Variants in AGMO observed in about 807,000 individuals in gnomAD.
AGMO encodes the protein alkylglycerol monooxygenase.
AGMO carries 75 observed loss-of-function variants against 60.2 expected under a neutral mutation model. That is an observed-to-expected ratio of 1.25 (90% CI 1.03 to 1.51). The LOEUF (loss-of-function observed/expected upper bound fraction) is 1.51, where lower values mean the gene tolerates loss of function less well. Ranked by LOEUF, AGMO falls within the 40% of genes most tolerant of loss-of-function variation. AGMO has a pLI of 0.00. For synonymous variants in AGMO, 261 were observed against 177.1 expected, an observed-to-expected ratio of 1.47 and a Z score of -3.76; for missense variants, 763 against 525.5, an observed-to-expected ratio of 1.45 and a Z score of -4.42.
intron 8 of AGMO, among the ~76,000 whole-genome samples, 158 bp downstream of exon 8, chr7:15,390,513 G>C (rs948247336): frequency 1.3e-5 from 2 of 152,044 alleles, no homozygotes; most frequent in Non-Finnish European, 2.9e-5. Flanking sequence ...TCAAACTTTT[G>C]CTTGTGTAAC....
chr7:15,317,905 ACG>A (rs1246747245), intron 12 of AGMO, among the ~76,000 whole-genome samples: 1 of 147,760 alleles, frequency 6.8e-6, no homozygotes, highest in African/African-American at 2.5e-5. Context: ...ATACACACAC[ACG>A]TATATATATA....
At chr7:15,344,144 T>C (rs1351444065) in intron 12 of AGMO, among the ~76,000 whole-genome samples, 1 of 152,190 alleles carries the variant, frequency 6.6e-6, no homozygotes, top group African/African-American at 2.4e-5. Flanking sequence ...TGCATATTTT[T>C]GGTAACTGAT....
intron 12 of AGMO, among the ~76,000 whole-genome samples, chr7:15,354,510 A>ACG (rs1563106015): frequency 1.3e-5 from 1 of 77,288 alleles, no homozygotes; most frequent in African/African-American, 5.4e-5. Flanking sequence ...ATATATATAT[A>ACG]TATATATATA....
At chr7:15,353,876 T>A (rs1304352826) in intron 12 of AGMO, among the ~76,000 whole-genome samples, 1 of 152,170 alleles carries the variant, frequency 6.6e-6, no homozygotes, top group Non-Finnish European at 1.5e-5. Context: ...TGTCTTTTAA[T>A]TGCCTTAATA....
At chr7:15,132,305 T>G in the AGMO span, among the ~76,000 whole-genome samples, 4 of 152,054 alleles carry the variant, frequency 2.6e-5, no homozygotes, top group African/African-American at 9.7e-5. Context: ...ACTCTCAGAG[T>G]TGGGATTCAG....
intron 12 of AGMO, among the ~76,000 whole-genome samples, chr7:15,208,876 T>G (rs1001830346): frequency 6.6e-6 from 1 of 152,206 alleles, no homozygotes; most frequent in East Asian, 1.9e-4. Flanking sequence ...GGATTCATCA[T>G]AGACCTTAAG....
intron 12 of AGMO, among the ~76,000 whole-genome samples, chr7:15,328,607 C>A (rs1299426884): frequency 6.6e-6 from 1 of 152,108 alleles, no homozygotes; most frequent in East Asian, 1.9e-4. Context: ...TGCCTCATGC[C>A]CGGAAGCAGC....
chr7:15,549,146 T>G (rs901706544), intron 2 of AGMO, among the ~76,000 whole-genome samples: 1 of 146,250 alleles, frequency 6.8e-6, no homozygotes, highest in African/African-American at 2.6e-5. Flanking sequence ...AGGCCTGCCC[T>G]AAAAGAGCTC....
chr7:15,157,104 T>C, the AGMO span, among the ~76,000 whole-genome samples: 1 of 152,192 alleles, frequency 6.6e-6, no homozygotes, highest in African/African-American at 2.4e-5. Context: ...TCTACTTTAT[T>C]ATTATTAATA....
intron 12 of AGMO, among the ~76,000 whole-genome samples, chr7:15,228,115 A>G (rs537281385): frequency 1.4e-4 from 22 of 152,120 alleles, no homozygotes; most frequent in African/African-American, 4.8e-4. Context: ...TAACACTCCT[A>G]TTGTTTGGAA....
chr7:15,389,419 G>C (rs1784051236), intron 8 of AGMO, among the ~76,000 whole-genome samples: 1 of 152,138 alleles, frequency 6.6e-6, no homozygotes, highest in South Asian at 2.1e-4. Flanking sequence ...ATTAAGAAAG[G>C]ATCCAAAATA....
intron 4 of AGMO, among the ~76,000 whole-genome samples, chr7:15,430,603 TAAAA>T (rs397890114): frequency 1.6e-5 from 2 of 128,042 alleles, no homozygotes; most frequent in African/African-American, 2.9e-5. Flanking sequence ...TTGTTTTTTT[TAAAA>T]AAAAAAAACA....
chr7:15,366,713 T>C (rs1203209924), intron 10 of AGMO, among the ~76,000 whole-genome samples: 1 of 152,058 alleles, frequency 6.6e-6, no homozygotes, highest in Non-Finnish European at 1.5e-5. Flanking sequence ...TCATATTTGA[T>C]TCAATCTACA....
chr7:15,351,977 G>T (rs1044874622), intron 12 of AGMO, among the ~76,000 whole-genome samples: 2 of 152,162 alleles, frequency 1.3e-5, no homozygotes, highest in Non-Finnish European at 2.9e-5. Flanking sequence ...ATTTACATTA[G>T]AATCTGCAAA....
intron 12 of AGMO, among the ~76,000 whole-genome samples, chr7:15,251,147 T>C (rs1406564159): frequency 2.0e-5 from 3 of 152,168 alleles, no homozygotes; most frequent in African/African-American, 7.2e-5. Context: ...GCCTCTTTCT[T>C]TGGGACAGCC....
At chr7:15,405,096 T>A (rs988759956) in intron 5 of AGMO, among the ~76,000 whole-genome samples, 8 of 151,890 alleles carry the variant, frequency 5.3e-5, no homozygotes, top group Non-Finnish European at 1.2e-4. Context: ...CAAGCTATCT[T>A]ACTAAAGCAT....
chr7:15,325,032 A>T (rs1310500653), intron 12 of AGMO, among the ~76,000 whole-genome samples: 1 of 152,168 alleles, frequency 6.6e-6, no homozygotes, highest in African/African-American at 2.4e-5. Context: ...AAATTCAAAT[A>T]CCTAACATTT....
intron 12 of AGMO, among the ~76,000 whole-genome samples, chr7:15,289,943 C>CTTTT (rs36074413): frequency 1.6e-4 from 5 of 31,362 alleles, no homozygotes; most frequent in Admixed American, 6.1e-4. Context: ...TTCCAGAAAT[C>CTTTT]TTTTTTTTTT....
the AGMO span, among the ~76,000 whole-genome samples, chr7:15,128,697 C>G: frequency 1.3e-5 from 2 of 151,960 alleles, no homozygotes; most frequent in African/African-American, 4.8e-5. Flanking sequence ...CTAATCTATG[C>G]CCCAGAAATA....
Sources: gnomAD v4.1 joint callset for allele counts (sites outside exome capture counted in the v4.1 genomes callset) on GRCh38, gnomAD v4.1.1 for gene constraint, MANE v1.5 for transcripts, NCBI Gene and HGNC (gene_info 2026-07-23, HGNC 2026-07-21) for gene names.